The following RANBP2 variants were observed in gnomAD, a reference collection of about 807,000 sequenced individuals.
The protein encoded by RANBP2 is RAN binding protein 2.
Under a neutral mutation model 303.6 loss-of-function variants are expected in RANBP2, and 57 were observed. The ratio of observed to expected loss-of-function variants is 0.19; its 90% CI spans 0.15 to 0.23. RANBP2 has a LOEUF of 0.23. Among genes scored for constraint, RANBP2 ranks in the 10% least tolerant of loss-of-function variants. The pLI is 1.00. For missense variants in RANBP2, 3,138 were observed against 3,780.8 expected (o/e 0.83, Z 4.46); for synonymous variants, 1,167 against 1,301.5 (o/e 0.90, Z 2.23).
chr2:109,055,298 C>T, the RANBP2 span, among the ~76,000 whole-genome samples: 1 of 151,526 alleles, frequency 6.6e-6, no homozygotes, highest in Non-Finnish European at 1.5e-5. Flanking sequence ...CTATATGTAT[C>T]GTTAATAGTC....
At chr2:109,050,852 G>A in the RANBP2 span, among the ~76,000 whole-genome samples, 58 of 152,114 alleles carry the variant, frequency 3.8e-4, no homozygotes, top group African/African-American at 1.3e-3. Flanking sequence ...TACAAAAGGG[G>A]ACCACGTATA....
chr2:109,530,330 G>A, the RANBP2 span, among the ~76,000 whole-genome samples: 2 of 152,144 alleles, frequency 1.3e-5, no homozygotes, highest in East Asian at 1.9e-4. Context: ...TGACAGCCAC[G>A]TGTCCACTGA....
chr2:109,262,108 C>G, the RANBP2 span, among the ~76,000 whole-genome samples: 2 of 152,232 alleles, frequency 1.3e-5, no homozygotes, highest in African/African-American at 4.8e-5. Context: ...TGCCCTCGGC[C>G]TCAGGGCAGG....
the RANBP2 span, among the ~76,000 whole-genome samples, chr2:109,042,723 G>A: frequency 2.6e-5 from 4 of 152,270 alleles, no homozygotes; most frequent in Admixed American, 2.6e-4. Flanking sequence ...GGGAAGATTG[G>A]TTCTAATCAT....
chr2:109,053,518 C>T, the RANBP2 span, among the ~76,000 whole-genome samples: 75 of 152,328 alleles, frequency 4.9e-4, 1 homozygote, highest in African/African-American at 1.7e-3. Flanking sequence ...TCAGCTGGAG[C>T]GCAAGTGGAG....
the RANBP2 span, among the ~76,000 whole-genome samples, chr2:108,811,427 G>A: frequency 6.6e-6 from 1 of 151,546 alleles, no homozygotes; most frequent in Admixed American, 6.6e-5. Context: ...TAATTTTGTT[G>A]TAGAGATGAG....
At chr2:109,251,458 A>G in the RANBP2 span, 3 of 728,526 alleles carry the variant, frequency 4.1e-6, no homozygotes, top group African/African-American at 1.7e-5. Flanking sequence ...GAAAAAATCT[A>G]TGGACAAGAA....
the RANBP2 span, among the ~76,000 whole-genome samples, chr2:109,064,181 A>G: frequency 6.6e-6 from 1 of 152,262 alleles, no homozygotes; most frequent in South Asian, 2.1e-4. Flanking sequence ...AGAACTGGTA[A>G]ATGGCAGGCC....
the RANBP2 span, among the ~76,000 whole-genome samples, chr2:109,693,725 G>T: frequency 6.6e-6 from 1 of 152,066 alleles, no homozygotes; most frequent in Admixed American, 6.6e-5. Context: ...TGTCTTTATC[G>T]GCAGCACGAA....
chr2:109,318,975 T>A, the RANBP2 span, among the ~76,000 whole-genome samples: 1 of 152,224 alleles, frequency 6.6e-6, no homozygotes, highest in Non-Finnish European at 1.5e-5. Context: ...ATTTCAAGTG[T>A]CTGTCCCAGA....
the RANBP2 span, among the ~76,000 whole-genome samples, chr2:109,048,531 T>G: frequency 6.6e-6 from 1 of 152,118 alleles, no homozygotes; most frequent in South Asian, 2.1e-4. Flanking sequence ...CTGTACTGAG[T>G]CTCCATCACA....
the RANBP2 span, among the ~76,000 whole-genome samples, chr2:109,036,273 A>G: frequency 1.3e-5 from 2 of 152,232 alleles, no homozygotes; most frequent in Non-Finnish European, 2.9e-5. Flanking sequence ...TTTAAGGAGT[A>G]TTAATACCAA....
At chr2:109,625,638 C>T in the RANBP2 span, among the ~76,000 whole-genome samples, 1 of 152,006 alleles carries the variant, frequency 6.6e-6, no homozygotes, top group Admixed American at 6.6e-5. Flanking sequence ...TGCACTCCAG[C>T]CTTGGTGACA....
At chr2:108,932,827 T>C in the RANBP2 span, among the ~76,000 whole-genome samples, 3 of 152,178 alleles carry the variant, frequency 2.0e-5, no homozygotes, top group Non-Finnish European at 4.4e-5. Flanking sequence ...CATGGAAATG[T>C]CTCTTCCCAT....
the RANBP2 span, among the ~76,000 whole-genome samples, chr2:109,234,309 T>C: frequency 6.6e-6 from 1 of 152,208 alleles, no homozygotes; most frequent in Non-Finnish European, 1.5e-5. Context: ...ATAGGAAAAC[T>C]TTAGGTTAGA....
chr2:108,946,039 C>T, the RANBP2 span, among the ~76,000 whole-genome samples: 53,237 of 152,172 alleles, frequency 0.35, 15,187 homozygotes, highest in East Asian at 0.95. Flanking sequence ...ACTGGCAGCA[C>T]TAGTCCTCAG....
At chr2:108,841,773 T>G in the RANBP2 span, among the ~76,000 whole-genome samples, 3 of 152,176 alleles carry the variant, frequency 2.0e-5, no homozygotes. Flanking sequence ...GTAACTTTAT[T>G]TTTTTAACTA....
the RANBP2 span, chr2:109,130,071 T>C: frequency 7.3e-7 from 1 of 1,366,366 alleles, no homozygotes; most frequent in Non-Finnish European, 9.4e-7. Flanking sequence ...CCGCCGGCAG[T>C]CTGCGGGAGC....
At chr2:109,395,716 G>A in the RANBP2 span, among the ~76,000 whole-genome samples, 1 of 152,180 alleles carries the variant, frequency 6.6e-6, no homozygotes, top group South Asian at 2.1e-4. Flanking sequence ...GCCGCCCAGT[G>A]CTCAGTGACC....
Sources: gnomAD v4.1 joint callset for allele counts (sites outside exome capture counted in the v4.1 genomes callset) on GRCh38, gnomAD v4.1.1 for gene constraint, MANE v1.5 for transcripts, NCBI Gene and HGNC (gene_info 2026-07-23, HGNC 2026-07-21) for gene names.